RALYL: variants seen among roughly 807,000 people sequenced by gnomAD.
RALYL encodes RALY RNA binding protein like.
Under a neutral mutation model 35.1 loss-of-function variants are expected in RALYL, and 29 were observed. The ratio of observed to expected loss-of-function variants is 0.83; its 90% confidence interval spans 0.61 to 1.13. The LOEUF is 1.13. RALYL is among the 50% of genes most tolerant of loss of function. The probability of loss-of-function intolerance (pLI) is 0.00; values close to 1 mark genes in which losing one functional copy is unlikely to be tolerated. For synonymous variants in RALYL, 120 were observed against 127.6 expected (o/e 0.94, Z 0.40); for missense variants, 359 against 360.4 (o/e 1.00, Z 0.03).
chr8:84,763,670 C>G (rs938485684), intron 2 of RALYL, among the ~76,000 whole-genome samples: 1 of 152,064 alleles, frequency 6.6e-6, no homozygotes, highest in Non-Finnish European at 1.5e-5. Flanking sequence ...TCATTTTTAA[C>G]TTTTGTAGAG....
At chr8:84,833,270 G>C (rs965149271) in intron 4 of RALYL, among the ~76,000 whole-genome samples, 3 of 152,024 alleles carry the variant, frequency 2.0e-5, no homozygotes, top group Non-Finnish European at 4.4e-5. Context: ...TTCCAATGAT[G>C]GCTCAAAGTG....
chr8:84,772,958 T>C (rs986456662), intron 2 of RALYL, among the ~76,000 whole-genome samples: 2 of 152,186 alleles, frequency 1.3e-5, no homozygotes, highest in African/African-American at 4.8e-5. Context: ...GGTATAATGT[T>C]TAATATAGAT....
intron 1 of RALYL, among the ~76,000 whole-genome samples, chr8:84,239,868 G>C (rs1268589412): frequency 6.6e-6 from 1 of 151,782 alleles, no homozygotes; most frequent in Non-Finnish European, 1.5e-5. Flanking sequence ...CTCCAGCCTG[G>C]GCACAGAGTG....
At chr8:84,288,524 T>C (rs1044817238) in intron 1 of RALYL, among the ~76,000 whole-genome samples, 1 of 152,210 alleles carries the variant, frequency 6.6e-6, no homozygotes, top group Admixed American at 6.5e-5. Flanking sequence ...AAGTTTTTAA[T>C]GTCATGTTGT....
At chr8:84,301,389 A>G (rs1435970355) in intron 1 of RALYL, among the ~76,000 whole-genome samples, 3 of 152,088 alleles carry the variant, frequency 2.0e-5, no homozygotes, top group African/African-American at 7.2e-5. Flanking sequence ...ATAGCATCAC[A>G]CAGGAGGTCT....
intron 3 of RALYL, among the ~76,000 whole-genome samples, chr8:84,801,246 T>C (rs554164422): frequency 6.6e-6 from 1 of 152,090 alleles, no homozygotes. Flanking sequence ...CAGAAGACAC[T>C]TGGGAGTCCT....
chr8:84,700,845 G>GAT (rs1235211968), intron 2 of RALYL, among the ~76,000 whole-genome samples: 1 of 152,192 alleles, frequency 6.6e-6, no homozygotes, highest in African/African-American at 2.4e-5. Flanking sequence ...CAAAGATACA[G>GAT]ATATATATTT....
intron 2 of RALYL, among the ~76,000 whole-genome samples, chr8:84,741,405 A>G (rs917163647): frequency 1.3e-5 from 2 of 152,054 alleles, no homozygotes; most frequent in African/African-American, 2.4e-5. Flanking sequence ...AATAATGCAA[A>G]TATATTTCTC....
chr8:84,371,637 T>C (rs536013498), intron 1 of RALYL, among the ~76,000 whole-genome samples: 2 of 151,712 alleles, frequency 1.3e-5, no homozygotes, highest in Admixed American at 1.3e-4. Context: ...GTAGACTGAA[T>C]ACAAAATTCA....
chr8:84,192,217 G>T (rs1032341718), intron 1 of RALYL, among the ~76,000 whole-genome samples: 14 of 152,174 alleles, frequency 9.2e-5, no homozygotes, highest in African/African-American at 3.4e-4. Flanking sequence ...GAAAAATTCA[G>T]AGAAAGGACC....
intron 1 of RALYL, among the ~76,000 whole-genome samples, chr8:84,186,093 T>C (rs151230300): frequency 1.4e-3 from 206 of 152,310 alleles, no homozygotes; most frequent in African/African-American, 4.5e-3. Context: ...ATGTGAGTTA[T>C]TTTGTTCTCC....
chr8:84,456,147 G>A lies in RALYL; in HGVS notation c.-23-73152G>A, dbSNP rs907694908. Among the ~76,000 whole-genome samples, 7 of 152,020 alleles carry A rather than the reference G, an allele frequency of 4.6e-5. No homozygotes were observed. The East Asian group carries it at 5.8e-4, about 13-fold the overall frequency. ...ACCAATGGGGCAGAGAGACAAGCAT[G>A]TAGCTCTCTGAAACAGACTGGGTGA... On this transcript the variant is annotated intron_variant, in intron 1 of 8. Coordinates refer to ENST00000521268, the MANE Select transcript of RALYL (RefSeq NM_173848.7).
intron 2 of RALYL, among the ~76,000 whole-genome samples, chr8:84,772,242 AGCCTTAATTACCACAGCT>A (rs1815729008): frequency 6.6e-6 from 1 of 152,094 alleles, no homozygotes; most frequent in Non-Finnish European, 1.5e-5. Flanking sequence ...CCATTACTAC[AGCCTTAATTACCACAGCT>A]TTAAAATAAA....
chr8:84,332,072 G>A (rs184152759), intron 1 of RALYL, among the ~76,000 whole-genome samples: 10 of 152,048 alleles, frequency 6.6e-5, no homozygotes, highest in African/African-American at 2.4e-4. Flanking sequence ...TTTTTTCTCT[G>A]CCTTTCACAT....
chr8:84,378,322 T>C (rs1857317238), intron 1 of RALYL, among the ~76,000 whole-genome samples: 1 of 151,918 alleles, frequency 6.6e-6, no homozygotes, highest in South Asian at 2.1e-4. Context: ...ATTTAATCTT[T>C]TCAATATATA....
intron 1 of RALYL, among the ~76,000 whole-genome samples, chr8:84,351,733 T>C (rs1850929792): frequency 1.3e-5 from 2 of 150,274 alleles, no homozygotes; most frequent in African/African-American, 5.0e-5. Flanking sequence ...GCACAATCAG[T>C]GGTACAGTAT....
intron 2 of RALYL, among the ~76,000 whole-genome samples, chr8:84,769,412 C>T (rs549089642): frequency 6.6e-6 from 1 of 152,284 alleles, no homozygotes; most frequent in East Asian, 1.9e-4. Context: ...AACATGTTCT[C>T]TTTTCTTAAA....
chr8:84,258,907 C>A (rs1831704409), intron 1 of RALYL, among the ~76,000 whole-genome samples: 1 of 152,044 alleles, frequency 6.6e-6, no homozygotes, highest in African/African-American at 2.4e-5. Flanking sequence ...CTTTTGTGTT[C>A]TCTTTGTGTT....
chr8:84,755,412 C>G (rs930417064), intron 2 of RALYL, among the ~76,000 whole-genome samples: 5 of 152,162 alleles, frequency 3.3e-5, no homozygotes, highest in Admixed American at 6.6e-5. Flanking sequence ...GTAGCAGTTA[C>G]TTTAAATCTC....
Sources: allele counts gnomAD v4.1 joint callset (sites outside exome capture counted in the v4.1 genomes callset), GRCh38; gene constraint gnomAD v4.1.1; transcripts MANE v1.5; gene names NCBI Gene and HGNC (gene_info 2026-07-23, HGNC 2026-07-21).